NAAA: variants seen among roughly 807,000 people sequenced by gnomAD.
NAAA encodes the protein N-acylethanolamine-hydrolyzing acid amidase.
In NAAA, 39 loss-of-function variants were observed where a neutral mutation model predicts 44.8. The ratio of observed to expected loss-of-function variants is 0.87; its 90% confidence interval spans 0.67 to 1.14. The LOEUF (loss-of-function observed/expected upper bound fraction) is 1.14. Among genes scored for constraint, NAAA ranks in the 50% most tolerant of loss-of-function variants. NAAA has a pLI of 0.00. For missense variants in NAAA, 460 were observed against 467.8 expected (o/e 0.98, Z 0.15); for synonymous variants, 178 against 191.3 (o/e 0.93, Z 0.58).
At chr4:75,916,830 C>G (rs1173034947) in intron 9 of NAAA, among the ~76,000 whole-genome samples, 2 of 137,990 alleles carry the variant, frequency 1.4e-5, no homozygotes, top group African/African-American at 5.6e-5. Flanking sequence ...CTCTGTCGCC[C>G]AGGCTGGAGT....
intron 5 of NAAA, among the ~76,000 whole-genome samples, chr4:75,921,755 G>A (rs967600294): frequency 6.6e-6 from 1 of 152,220 alleles, no homozygotes. Context: ...AGGGTGAGGA[G>A]TGGCAGTGGG....
At chr4:75,939,961 G>A (rs373635569) in intron 2 of NAAA, 40 bp downstream of exon 2, 3 of 1,606,338 alleles carry the variant, frequency 1.9e-6, no homozygotes, top group Non-Finnish European at 2.6e-6. Flanking sequence ...GGGGGCCCCC[G>A]CAAGCCCCGC....
At chr4:75,938,318 T>C (rs762540329) in intron 2 of NAAA, among the ~76,000 whole-genome samples, 2 of 152,246 alleles carry the variant, frequency 1.3e-5, no homozygotes, top group Non-Finnish European at 2.9e-5. Context: ...AGTTAGAATG[T>C]TTTTACTAGA....
rs60371960 is a variant in NAAA, at chr4:75,927,633, G to GC, written c.590-1823dup. 7.0e-3 allele frequency among the ~76,000 whole-genome samples: 667 copies of GC among 95,392 alleles called. 8 individuals carry two copies. The highest frequency in any genetic ancestry group is 0.034 in the East Asian group (72 of 2,114). 62.6% of individuals were successfully genotyped at this position (95,392 alleles called of 152,430 possible). A position where few individuals can be genotyped will look rare whatever the true frequency, so the allele number is the denominator to read the frequency against. On this transcript the variant is annotated intron_variant, in intron 4 of 10. Coordinates refer to ENST00000286733, the MANE Select transcript of NAAA (RefSeq NM_014435.4). ...AAAAAATTAAAAAAAAATTTTTAAT[G>GC]CCCCCCCCCCCCCCGCCAAAAAAAA...
In NAAA at chr4:75,933,886, C is replaced by T. The variant is rs370725634; in HGVS notation, c.498+2223G>A. On this transcript the variant is annotated intron_variant, in intron 3 of 10. Coordinates refer to ENST00000286733, the MANE Select transcript of NAAA (RefSeq NM_014435.4). The stretch of plus-strand genomic sequence containing the variant: ...CTCTGCTAAAAATACAAAAATTAGC[C>T]GGGTGTGGTGGCACCCTCCTATAGT... 4.2e-4 allele frequency among the ~76,000 whole-genome samples: 63 copies of T among 151,702 alleles called. No homozygotes were observed. The South Asian group carries it at 9.2e-3, about 22-fold the overall frequency.
chr4:75,930,042 T>C (rs1727089245), intron 4 of NAAA, among the ~76,000 whole-genome samples: 1 of 151,844 alleles, frequency 6.6e-6, no homozygotes, highest in South Asian at 2.1e-4. Flanking sequence ...TAAGCTGAGA[T>C]CGCCCACTGC....
At chr4:75,925,229 G>C (rs1362883376) in intron 5 of NAAA, among the ~76,000 whole-genome samples, 1 of 152,130 alleles carries the variant, frequency 6.6e-6, no homozygotes, top group Non-Finnish European at 1.5e-5. Context: ...TAGAGACAGG[G>C]TTTCACTGTG....
chr4:75,926,542 C>G (rs1282473684), intron 4 of NAAA, among the ~76,000 whole-genome samples: 6 of 111,524 alleles, frequency 5.4e-5, no homozygotes, highest in Non-Finnish European at 1.0e-4. Flanking sequence ...ACCTGGGTGA[C>G]AGAGAGAGAC....
Position 75,920,946 on chromosome 4 carries a change from C to T in NAAA, c.839+5G>A. Reference sequence around the variant, plus strand: ...AAAATGACCAGAGCTTTCAATTCTACTTACGCTCCATTCAAAGGATCTAGA... The same window carrying T: ...AAAATGACCAGAGCTTTCAATTCTATTTACGCTCCATTCAAAGGATCTAGA... On this transcript the variant is annotated splice_donor_5th_base_variant and intron_variant, in intron 6 of 10. Transcript: ENST00000286733. 2 of 1,613,794 alleles carry T rather than the reference C, an allele frequency of 1.2e-6. No individual in the cohort carries two copies. The highest frequency in any genetic ancestry group is 8.5e-7 in the Non-Finnish European group (1 of 1,179,970).
chr4:75,913,700 T>C lies in NAAA; in HGVS notation c.*675A>G, dbSNP rs1187205304. 7.1e-6 allele frequency: 7 copies of C among 983,060 alleles called. No individual in the cohort carries two copies. Among genetic ancestry groups the C allele is most frequent in the Non-Finnish European group, 8.5e-6 (7 of 827,916 alleles). The allele number at this position is 983,060 out of a possible 1,614,324, so 60.9% of individuals were successfully genotyped here. A position where few individuals can be genotyped will look rare whatever the true frequency, so the allele number is the denominator to read the frequency against. ...TTTATTCTCCTTGCCAACATTTCTT[T>C]TGACATTTTATTACTTAATTATGTG... is the stretch of plus-strand genomic sequence containing the variant. On this transcript the variant is annotated 3_prime_UTR_variant, in exon 11 of 11. Transcript: ENST00000286733.
At chr4:75,923,940 G>A (rs1726419845) in intron 5 of NAAA, among the ~76,000 whole-genome samples, 2 of 152,176 alleles carry the variant, frequency 1.3e-5, no homozygotes, top group Admixed American at 1.3e-4. Flanking sequence ...TAGGGTGGGG[G>A]CAGACAGCTT....
intron 4 of NAAA, 70 bp from the exon 5 acceptor site, chr4:75,925,881 T>C (rs1726639281): frequency 6.9e-7 from 1 of 1,439,516 alleles, no homozygotes; most frequent in Non-Finnish European, 9.8e-7. Flanking sequence ...GATATGTTAT[T>C]TTAGCAAGGA....
chr4:75,928,704 G>C (rs1465828733), intron 4 of NAAA, among the ~76,000 whole-genome samples: 1 of 152,124 alleles, frequency 6.6e-6, no homozygotes, highest in African/African-American at 2.4e-5. Flanking sequence ...CACTTCTGTG[G>C]CCCTTGCTCT....
intron 4 of NAAA, among the ~76,000 whole-genome samples, chr4:75,930,270 A>G (rs1727110994): frequency 6.6e-6 from 1 of 152,046 alleles, no homozygotes; most frequent in Non-Finnish European, 1.5e-5. Context: ...GATTTCCCAC[A>G]TACTGTGGAA....
At chr4:75,919,838 G>T in intron 8 of NAAA, 71 bp downstream of exon 8, 1 of 1,387,784 alleles carries the variant, frequency 7.2e-7, no homozygotes, top group Non-Finnish European at 1.0e-6. Flanking sequence ...AGATTTCACG[G>T]AGTTTTTCAT....
intron 3 of NAAA, among the ~76,000 whole-genome samples, chr4:75,932,637 C>G (rs7679177): frequency 0.35 from 52,454 of 151,872 alleles, 9,976 homozygotes; most frequent in Non-Finnish European, 0.42. Context: ...TGCATGCCAC[C>G]AAACCTGACT....
chr4:75,932,275 A>G (rs1310894540), intron 3 of NAAA, among the ~76,000 whole-genome samples: 1 of 152,246 alleles, frequency 6.6e-6, no homozygotes, highest in Non-Finnish European at 1.5e-5. Context: ...TTTGATTATA[A>G]GAGATGAATA....
chr4:75,912,204 A>G (rs1175076338), downstream of NAAA, among the ~76,000 whole-genome samples: 1 of 152,248 alleles, frequency 6.6e-6, no homozygotes, highest in Non-Finnish European at 1.5e-5. Flanking sequence ...CAAATTTCCG[A>G]AGATCATGGC....
rs759923496 is a variant in NAAA at position 75,921,066 on chromosome 4, G to C, written c.724C>G (p.Leu242Val). The change falls in exon 6 of 11, where the codon CTT (leucine) becomes GTT (valine). Residue 242 changes from leucine (L) to valine (V), a missense_variant. Leu to Val is a conservative substitution (Grantham distance 32). Coordinates refer to ENST00000286733, the MANE Select transcript of NAAA (RefSeq NM_014435.4). ...AAVGKLAKTP[L>V]IADVYYIVGG... ...ACAATGTAATAAACATCAGCAATAA[G>C]GGGAGTCTTGGCCAACTTGCCAACA... is the stretch of plus-strand genomic sequence containing the variant. The C allele has an allele frequency of 1.9e-6, 3 of 1,599,282 alleles. No individual in the cohort carries two copies. Among genetic ancestry groups the C allele is most frequent in the Non-Finnish European group, 1.7e-6 (2 of 1,176,146 alleles).
Sources: allele counts gnomAD v4.1 joint callset (sites outside exome capture counted in the v4.1 genomes callset), GRCh38; gene constraint gnomAD v4.1.1; transcripts MANE v1.5; gene names NCBI Gene and HGNC (gene_info 2026-07-23, HGNC 2026-07-21).